CEP70: variants seen among roughly 807,000 people sequenced by gnomAD.
CEP70 encodes centrosomal protein 70, also known as centrosomal protein of 70 kDa.
CEP70 carries 70 observed loss-of-function variants against 90.9 expected under a neutral mutation model. The observed-to-expected ratio is 0.77, with a 90% CI of 0.64 to 0.94. The LOEUF is 0.94. CEP70 is among the 40% of genes least tolerant of loss of function. The pLI, the probability that CEP70 is intolerant of heterozygous loss-of-function variation, is 0.00. For synonymous variants in CEP70, 220 were observed against 228.3 expected (o/e 0.96, Z 0.33); for missense variants, 648 against 669.0 (o/e 0.97, Z 0.35).
intron 2 of CEP70, among the ~76,000 whole-genome samples, chr3:138,575,252 C>A (rs1013227095): frequency 9.2e-5 from 14 of 152,138 alleles, no homozygotes; most frequent in African/African-American, 2.7e-4. Context: ...GTAAAGAAGA[C>A]CTTAAATGAC....
chr3:138,504,232 A>G (rs977034753), intron 13 of CEP70, among the ~76,000 whole-genome samples: 3 of 152,200 alleles, frequency 2.0e-5, no homozygotes, highest in Admixed American at 6.5e-5. Flanking sequence ...TCTATAAAGT[A>G]AGTATATTAA....
chr3:138,499,839 TCA>T (rs1001457985), intron 16 of CEP70: 1,248 of 306,874 alleles, frequency 4.1e-3, no homozygotes, highest in South Asian at 6.9e-3. Context: ...GTGCTTACAG[TCA>T]CACACACACA....
intron 16 of CEP70, among the ~76,000 whole-genome samples, chr3:138,498,789 T>G (rs1211758116): frequency 6.6e-6 from 1 of 151,884 alleles, no homozygotes; most frequent in African/African-American, 2.4e-5. Flanking sequence ...GGCTCATGCC[T>G]GTAATCCCAG....
At chr3:138,500,347 A>C in intron 15 of CEP70, 52 bp downstream of exon 15, 1 of 1,531,356 alleles carries the variant, frequency 6.5e-7, no homozygotes, top group Non-Finnish European at 8.8e-7. Flanking sequence ...CTTTTTGTTA[A>C]TTTATTAAAA....
At chr3:138,584,461 CAAAAAA>C (rs35985463) in intron 2 of CEP70, among the ~76,000 whole-genome samples, 1 of 92,176 alleles carries the variant, frequency 1.1e-5, no homozygotes, top group African/African-American at 4.4e-5. Context: ...AAAGACATAT[CAAAAAA>C]AAAAAAAAAA....
At chr3:138,524,957 A>T (rs2037059925) in intron 11 of CEP70, among the ~76,000 whole-genome samples, 1 of 152,244 alleles carries the variant, frequency 6.6e-6, no homozygotes, top group South Asian at 2.1e-4. Flanking sequence ...ATAAAGGCAC[A>T]TGCACACGTA....
intron 17 of CEP70, chr3:138,496,969 CTTAAG>C (rs1246666701): frequency 2.0e-6 from 2 of 991,352 alleles, no homozygotes; most frequent in Non-Finnish European, 2.4e-6. Flanking sequence ...AACATCACTG[CTTAAG>C]TTAATAGCAA....
chr3:138,537,001 CA>C (rs57447148), intron 7 of CEP70, 176 bp downstream of exon 7: 21,029 of 248,366 alleles, frequency 0.085, no homozygotes, highest in East Asian at 0.12. Context: ...ACCTCTAGAA[CA>C]AAAAAAAAAA....
At chr3:138,558,130 C>T (rs970381838) in intron 6 of CEP70, among the ~76,000 whole-genome samples, 8 of 152,104 alleles carry the variant, frequency 5.3e-5, no homozygotes, top group South Asian at 2.1e-4. Flanking sequence ...TTTGCGAGGC[C>T]GAGGCAGGCG....
At chr3:138,565,074 A>C (rs892102199) in intron 6 of CEP70, among the ~76,000 whole-genome samples, 17 of 152,212 alleles carry the variant, frequency 1.1e-4, no homozygotes, top group African/African-American at 3.9e-4. Context: ...GGGCCAAATC[A>C]TGAGTGAACT....
At chr3:138,587,160 G>A (rs936382754) in intron 2 of CEP70, among the ~76,000 whole-genome samples, 8 of 151,908 alleles carry the variant, frequency 5.3e-5, no homozygotes, top group African/African-American at 1.9e-4. Context: ...GAAATGAGCT[G>A]ATAGAATCTA....
chr3:138,540,974 T>C (rs957580922), intron 6 of CEP70, among the ~76,000 whole-genome samples: 5 of 152,208 alleles, frequency 3.3e-5, no homozygotes, highest in African/African-American at 1.2e-4. Flanking sequence ...GCATTATCCT[T>C]AGCAAACTAA....
At chr3:138,522,634 T>G (rs2036784551) in intron 11 of CEP70, among the ~76,000 whole-genome samples, 1 of 152,142 alleles carries the variant, frequency 6.6e-6, no homozygotes, top group African/African-American at 2.4e-5. Flanking sequence ...AAGAAATGGA[T>G]AAATTCCTCA....
rs1322946714 is a variant in CEP70, at chr3:138,498,097, A to G, written c.1666T>C (p.Leu556=). 1.2e-6 allele frequency: 2 copies of G among 1,613,016 alleles called. No homozygotes were observed. The highest frequency in any genetic ancestry group is 1.7e-4 in the Middle Eastern group (1 of 6,056). Residue 556 remains leucine, a synonymous_variant, in exon 17 of 18, where the codon TTG becomes CTG. Transcript: ENST00000264982. The stretch of plus-strand genomic sequence containing the variant: ...GGGAAAAATTCCTCGTGTTCTTCCA[A>G]TTTGTAGATAATGCTGTTTAAAAAA... The part of the protein sequence containing the change: ...PEDLQSIIYK[L]EEHEEFFPAF...
intron 6 of CEP70, among the ~76,000 whole-genome samples, chr3:138,560,212 C>A (rs2040301687): frequency 6.6e-6 from 1 of 152,120 alleles, no homozygotes; most frequent in Non-Finnish European, 1.5e-5. Context: ...CCACAGAGGG[C>A]AAACCGAAGG....
chr3:138,549,119 C>A (rs1017963401), intron 6 of CEP70, among the ~76,000 whole-genome samples: 3 of 151,854 alleles, frequency 2.0e-5, no homozygotes, highest in Non-Finnish European at 4.4e-5. Context: ...GGAGGGCTGA[C>A]AGAGGAACTG....
At chr3:138,537,056 A>C in intron 7 of CEP70, 122 bp downstream of exon 7, 1 of 515,836 alleles carries the variant, frequency 1.9e-6, no homozygotes, top group Non-Finnish European at 3.2e-6. Flanking sequence ...GCAGAAGAGG[A>C]GGAGAGAGAG....
intron 6 of CEP70, among the ~76,000 whole-genome samples, chr3:138,546,494 ATC>A (rs2039213035): frequency 6.6e-6 from 1 of 152,142 alleles, no homozygotes; most frequent in Admixed American, 6.5e-5. Context: ...CATGCCTGTA[ATC>A]CCAGCACTTT....
chr3:138,498,004 T>C, intron 17 of CEP70, 27 bp downstream of exon 17: 1 of 1,611,326 alleles, frequency 6.2e-7, no homozygotes, highest in East Asian at 2.2e-5. Context: ...AGACTCAAAA[T>C]TTCACCATCA....
Sources: gnomAD v4.1 joint callset for allele counts (sites outside exome capture counted in the v4.1 genomes callset) on GRCh38, gnomAD v4.1.1 for gene constraint, MANE v1.5 for transcripts, NCBI Gene and HGNC (gene_info 2026-07-23, HGNC 2026-07-21) for gene names.